YIPF4: variants seen among roughly 807,000 people sequenced by gnomAD.
YIPF4 encodes protein YIPF4.
YIPF4 carries 18 observed loss-of-function variants against 29.4 expected under a neutral mutation model. That is an observed-to-expected ratio of 0.61 (90% CI 0.42 to 0.91). The LOEUF is 0.91. YIPF4 is among the 40% of genes least tolerant of loss of function. The pLI, the probability that YIPF4 is intolerant of heterozygous loss-of-function variation, is 0.00. For missense variants in YIPF4, 279 were observed against 282.7 expected (o/e 0.99, Z 0.09); for synonymous variants, 115 against 104.7 (o/e 1.10, Z -0.60).
At chr2:32,291,564 G>A (rs888653376) in intron 2 of YIPF4, among the ~76,000 whole-genome samples, 2 of 151,924 alleles carry the variant, frequency 1.3e-5, no homozygotes, top group African/African-American at 4.8e-5. Context: ...GAAACAAACC[G>A]TATACCATCA....
At chr2:32,298,806 GT>G in intron 4 of YIPF4, among the ~76,000 whole-genome samples, 1 of 152,026 alleles carries the variant, frequency 6.6e-6, no homozygotes, top group African/African-American at 2.4e-5. Context: ...CGATCTGCCT[GT>G]TTAGCCTCCC....
At chr2:32,293,037 ATTATTTTTATTTTTATTTTTATTTTT>A (rs1003460146) in intron 3 of YIPF4, among the ~76,000 whole-genome samples, 7 of 150,048 alleles carry the variant, frequency 4.7e-5, no homozygotes, top group African/African-American at 1.5e-4. Context: ...CTTTTTTTTG[ATTATTTTTATTTTTATTTTTATTTTT>A]TTATTTTTAT....
At chr2:32,284,583 GTAAGTTTCC>G (rs1253811200) in intron 1 of YIPF4, among the ~76,000 whole-genome samples, 2 of 152,266 alleles carry the variant, frequency 1.3e-5, no homozygotes, top group East Asian at 3.9e-4. Context: ...TGCCGTGATT[GTAAGTTTCC>G]TAAGGCATAC....
rs1360623713 is a variant in YIPF4, at chr2:32,306,975, G to C, written c.*1349G>C. Reference sequence around the variant, plus strand: ...ACAAATGAGTGTGTTATCAAGCCCAGCCGTCTTCCTTTCCCCTAATCCCAA... The same window carrying C: ...ACAAATGAGTGTGTTATCAAGCCCACCCGTCTTCCTTTCCCCTAATCCCAA... On this transcript the variant is annotated 3_prime_UTR_variant, in exon 6 of 6. Coordinates refer to ENST00000238831, the MANE Select transcript of YIPF4 (RefSeq NM_032312.4). 4.0e-6 allele frequency: 2 copies of C among 503,630 alleles called. No homozygotes were observed. The highest frequency in any genetic ancestry group is 2.1e-5 in the African/African-American group (1 of 47,748). 31.2% of individuals were successfully genotyped at this position (503,630 alleles called of 1,614,324 possible). A position where few individuals can be genotyped will look rare whatever the true frequency, so the allele number is the denominator to read the frequency against.
intron 2 of YIPF4, 188 bp downstream of exon 2, chr2:32,290,824 C>T (rs535588024): frequency 1.6e-5 from 5 of 317,848 alleles, no homozygotes; most frequent in African/African-American, 2.2e-5. Flanking sequence ...AATTAAAAGA[C>T]AAAAATTAAA....
In YIPF4 at chr2:32,278,050, G is replaced by A. The variant is rs2030176518; in HGVS notation, c.-106G>A. Reference sequence around the variant, plus strand: ...GCTCGCAGCTTGCACGTCGAGACTCGTAGGCCGCACCGTAGGGCGAGCGTG... The same window carrying A: ...GCTCGCAGCTTGCACGTCGAGACTCATAGGCCGCACCGTAGGGCGAGCGTG... On this transcript the variant is annotated 5_prime_UTR_variant, in exon 1 of 6. Transcript: ENST00000238831. 1 of 998,950 alleles carries A rather than the reference G, an allele frequency of 1.0e-6. No individual in the cohort carries two copies. The highest frequency in any genetic ancestry group is 1.7e-5 in the South Asian group (1 of 60,098). 61.9% of individuals were successfully genotyped at this position (998,950 alleles called of 1,614,324 possible). A position where few individuals can be genotyped will look rare whatever the true frequency, so the allele number is the denominator to read the frequency against.
chr2:32,284,842 C>G (rs946166290), intron 1 of YIPF4, among the ~76,000 whole-genome samples: 1 of 152,046 alleles, frequency 6.6e-6, no homozygotes, highest in African/African-American at 2.4e-5. Context: ...CTTAGTGTGG[C>G]TAGGGTATAG....
intron 1 of YIPF4, 91 bp downstream of exon 1, chr2:32,278,325 G>T (rs2030205369): frequency 4.6e-6 from 6 of 1,296,894 alleles, no homozygotes; most frequent in Non-Finnish European, 6.3e-6. Flanking sequence ...GTCGTGGCCG[G>T]GTGGGGACAG....
At chr2:32,290,982 C>A (rs1558476565) in intron 2 of YIPF4, 1 of 153,514 alleles carries the variant, frequency 6.5e-6, no homozygotes, top group African/African-American at 2.4e-5. Flanking sequence ...TTAAGATTTC[C>A]AAGAAGATTA....
At chr2:32,282,664 C>T (rs2030477834) in intron 1 of YIPF4, among the ~76,000 whole-genome samples, 1 of 152,062 alleles carries the variant, frequency 6.6e-6, no homozygotes, top group African/African-American at 2.4e-5. Flanking sequence ...GAACTCCTGA[C>T]CTCGTGATCC....
Position 32,306,916 on chromosome 2 carries a change from A to G in YIPF4, c.*1290A>G. ...ATGTATTTCTTTAGCAAACTTACCC[A>G]TCAGGAAATATCCAGCACCTCTGAA... On this transcript the variant is annotated 3_prime_UTR_variant, in exon 6 of 6. Coordinates refer to ENST00000238831, the MANE Select transcript of YIPF4 (RefSeq NM_032312.4). The G allele has an allele frequency of 6.6e-6, 2 of 304,688 alleles. No homozygotes were observed. Among genetic ancestry groups the G allele is most frequent in the South Asian group, 7.0e-5 (2 of 28,404 alleles). 18.9% of individuals were successfully genotyped at this position (304,688 alleles called of 1,614,324 possible).
intron 3 of YIPF4, among the ~76,000 whole-genome samples, chr2:32,294,386 A>T (rs943620511): frequency 6.6e-6 from 1 of 151,076 alleles, no homozygotes; most frequent in Non-Finnish European, 1.5e-5. Flanking sequence ...CACCTCCCAG[A>T]CGTGGTCGCG....
rs920535376 is a variant in YIPF4 at position 32,278,683 on chromosome 2, G to A, written c.79+449G>A. ...TTGGGGGGGGTCTGGGATCAGATTC[G>A]GCACTGCAAATACAAACTAAATGGT... On this transcript the variant is annotated intron_variant, in intron 1 of 5. Coordinates refer to ENST00000238831, the MANE Select transcript of YIPF4 (RefSeq NM_032312.4). 3.5e-4 allele frequency among the ~76,000 whole-genome samples: 53 copies of A among 152,078 alleles called. 1 individual carries two copies. Among genetic ancestry groups the A allele is most frequent in the African/African-American group, 1.2e-3 (51 of 41,408 alleles).
intron 2 of YIPF4, among the ~76,000 whole-genome samples, chr2:32,291,618 T>C (rs759802244): frequency 1.4e-4 from 22 of 152,148 alleles, no homozygotes; most frequent in Admixed American, 4.6e-4. Flanking sequence ...ATTTTACATA[T>C]TAATTAAACA....
At position 32,306,644 on chromosome 2, in the gene YIPF4, G is replaced by A. The variant is rs779340329; in HGVS notation, c.*1018G>A. 4.1e-6 allele frequency: 4 copies of A among 969,952 alleles called. No individual in the cohort carries two copies. Among genetic ancestry groups the A allele is most frequent in the Non-Finnish European group, 4.9e-6 (4 of 815,984 alleles). The allele number at this position is 969,952 out of a possible 1,614,324, so 60.1% of individuals were successfully genotyped here. On this transcript the variant is annotated 3_prime_UTR_variant, in exon 6 of 6. Coordinates refer to ENST00000238831, the MANE Select transcript of YIPF4 (RefSeq NM_032312.4). ...AAGTATCAGGTACTCTCTAACAAATGTACAGTTTTTGCTAAGGGAAATATT... is the reference window on the plus strand; with the variant it reads ...AAGTATCAGGTACTCTCTAACAAATATACAGTTTTTGCTAAGGGAAATATT...
rs553876888 is a variant in YIPF4, at chr2:32,283,430, A to G, written c.79+5196A>G. Reference sequence around the variant, plus strand: ...ATTCTTAATGATAGCTATCCTTACTATTTCTCCACACATACCCTTTATTCT... The same window carrying G: ...ATTCTTAATGATAGCTATCCTTACTGTTTCTCCACACATACCCTTTATTCT... On this transcript the variant is annotated intron_variant, in intron 1 of 5. Coordinates refer to ENST00000238831, the MANE Select transcript of YIPF4 (RefSeq NM_032312.4). Among the ~76,000 whole-genome samples the G allele has an allele frequency of 3.0e-4, 45 of 152,138 alleles. No homozygotes were observed. The South Asian group carries it at 8.7e-3, about 29-fold the overall frequency.
At chr2:32,289,534 T>TCATGTGACTTGCACTGA (rs2030823660) in intron 1 of YIPF4, among the ~76,000 whole-genome samples, 1 of 152,246 alleles carries the variant, frequency 6.6e-6, no homozygotes, top group African/African-American at 2.4e-5. Context: ...AATACTATAA[T>TCATGTGACTTGCACTGA]CATGTGACTT....
At chr2:32,295,637 C>G (rs575983848) in intron 3 of YIPF4, among the ~76,000 whole-genome samples, 1 of 152,202 alleles carries the variant, frequency 6.6e-6, no homozygotes, top group South Asian at 2.1e-4. Flanking sequence ...GAGTTTCACT[C>G]TTGCTGCCCA....
chr2:32,297,363 T>C (rs567763257), intron 3 of YIPF4, among the ~76,000 whole-genome samples: 29 of 152,122 alleles, frequency 1.9e-4, no homozygotes, highest in Middle Eastern at 3.4e-3. Flanking sequence ...TCAGGTTATC[T>C]GCCTGCCTCA....
Sources: gnomAD v4.1 joint callset for allele counts (sites outside exome capture counted in the v4.1 genomes callset) on GRCh38, gnomAD v4.1.1 for gene constraint, MANE v1.5 for transcripts, NCBI Gene and HGNC (gene_info 2026-07-23, HGNC 2026-07-21) for gene names.